The following PRR36 variants were observed in gnomAD, a reference collection of about 807,000 sequenced individuals.
The protein encoded by PRR36 is proline rich 36, also known as proline-rich protein 36.
Under a neutral mutation model 58.6 loss-of-function variants are expected in PRR36, and 30 were observed. The observed-to-expected ratio is 0.51, with a 90% CI of 0.38 to 0.69. The LOEUF (loss-of-function observed/expected upper bound fraction) is 0.69, where lower values mean the gene tolerates loss of function less well. Among genes scored for constraint, PRR36 ranks in the 30% least tolerant of loss-of-function variants. The probability of loss-of-function intolerance (pLI) is 0.00; values close to 1 mark genes in which losing one functional copy is unlikely to be tolerated. For synonymous variants in PRR36, 771 were observed against 829.3 expected (o/e 0.93, Z 1.21); for missense variants, 1,692 against 1,805.6 (o/e 0.94, Z 1.14).
chr19:7,870,883 G>T lies in PRR36; in HGVS notation c.2361C>A (p.Ala787=). ...AAGGTGGTGCTTGCAGAGGGCATGG[G>T]GCTGGACAAGGTGGAGTCTCCAGAT... ...TPHLETPPCP[A]PCPLQAPPSP... is the part of the protein sequence containing the mutation. The change falls in exon 5 of 6, where the codon GCC becomes GCA. Residue 787 remains alanine (A), a synonymous_variant. Coordinates refer to ENST00000618550, the MANE Select transcript of PRR36 (RefSeq NM_001190467.2). 1 of 1,449,752 alleles carries T rather than the reference G, an allele frequency of 6.9e-7. No individual in the cohort carries two copies. Among genetic ancestry groups the T allele is most frequent in the Non-Finnish European group, 9.0e-7 (1 of 1,108,100 alleles). 89.8% of individuals were successfully genotyped at this position (1,449,752 alleles called of 1,614,324 possible).
chr19:7,870,538 A>G lies in PRR36; in HGVS notation c.2706T>C (p.Pro902=), dbSNP rs1980362411. The change falls in exon 5 of 6, where the codon CCT becomes CCC. Residue 902 remains proline, a synonymous_variant. Coordinates refer to ENST00000618550, the MANE Select transcript of PRR36 (RefSeq NM_001190467.2). ...CCGAAGGAGACACTGGGGGTGAGGC[A>G]GGGGGAGAGAAAGGGGCCTGCACTG... The part of the protein sequence containing the change: ...SPPVQAPFSP[P]ASPPVSPSAT... The G allele has an allele frequency of 1.7e-5, 5 of 301,288 alleles. No homozygotes were observed. Among genetic ancestry groups the G allele is most frequent in the Middle Eastern group, 1.3e-3 (1 of 744 alleles). The allele number at this position is 301,288 out of a possible 1,614,324, so 18.7% of individuals were successfully genotyped here. A position where few individuals can be genotyped will look rare whatever the true frequency, so the allele number is the denominator to read the frequency against.
Position 7,872,200 on chromosome 19 carries a change from C to A in PRR36, c.1044G>T (p.Gln348His), listed in dbSNP as rs964690538. Residue 348 changes from glutamine (Q) to histidine (H), a missense_variant, in exon 5 of 6, where the codon CAG becomes CAT. This residue lies in a region of PRR36 where 975 missense variants were observed against 955.2 expected (regional missense o/e 1.02). Transcript: ENST00000618550. The surrounding 1 kb of genome is among the most constrained non-coding windows in gnomAD (Gnocchi z 6.1). ...GCGTGGCCGGCAGGGTGGGCGGGGC[C>A]TGACTTTGGAGAGCGGCTGGCGGAG... ...TPPPPAALQS[Q>H]APPTLPATPH... The A allele has an allele frequency of 6.8e-5, 99 of 1,449,742 alleles. No individual in the cohort carries two copies. The highest frequency in any genetic ancestry group is 1.8e-4 in the Middle Eastern group (1 of 5,532). The allele number at this position is 1,449,742 out of a possible 1,614,324, so 89.8% of individuals were successfully genotyped here. A position where few individuals can be genotyped will look rare whatever the true frequency, so the allele number is the denominator to read the frequency against.
chr19:7,870,106 CA>C lies in PRR36; in HGVS notation c.3137del (p.Leu1046TrpfsTer49). The C allele has an allele frequency of 6.8e-7, 1 of 1,467,286 alleles. No homozygotes were observed. Among genetic ancestry groups the C allele is most frequent in the East Asian group, 2.8e-5 (1 of 35,818 alleles). 90.9% of individuals were successfully genotyped at this position (1,467,286 alleles called of 1,614,324 possible). ...SPSASLPMSP[L>X]ATPPPQAPPV... ...GTGGGGCCTGTGGAGGAGGCGTGGC[CA>C]AAGGAGACATTGGGAGTGAGGCAGA... On this transcript the variant is annotated frameshift_variant, in exon 5 of 6. Coordinates refer to ENST00000618550, the MANE Select transcript of PRR36 (RefSeq NM_001190467.2). LOFTEE classifies it high-confidence loss of function.
rs1296757981 is a variant in PRR36 at position 7,870,345 on chromosome 19, G to T, written c.2899C>A (p.Pro967Thr). Residue 967 changes from proline to threonine, a missense_variant, in exon 5 of 6, where the codon CCC (proline) becomes ACC (threonine). Physicochemically the swap from Pro to Thr is conservative, Grantham distance 38 (BLOSUM62 -1). Transcript: ENST00000618550. ...LQVPPSPPAS[P>T]PMSPSATPPP... is the part of the protein sequence containing the mutation. Reference sequence around the variant, plus strand: ...GGCGTGGCCGAAGGAGACATTGGGGGAGAGGCAGGGGGAGAGGGTGGGACC... The same window carrying T: ...GGCGTGGCCGAAGGAGACATTGGGGTAGAGGCAGGGGGAGAGGGTGGGACC... 1.6e-5 allele frequency: 13 copies of T among 804,552 alleles called. No homozygotes were observed. In the Admixed American group the frequency reaches 6.4e-4, roughly 40 times the overall value. 49.8% of individuals were successfully genotyped at this position (804,552 alleles called of 1,614,324 possible).
In PRR36 at chr19:7,873,251, T is replaced by C; in HGVS notation, c.320A>G (p.Lys107Arg). Reference sequence around the variant, plus strand: ...AGAAACAGGGCCTGGGCTGGTGTTCTTGGCAGGAGGAGCTCTCTCCCCTCT... The same window carrying C: ...AGAAACAGGGCCTGGGCTGGTGTTCCTGGCAGGAGGAGCTCTCTCCCCTCT... The part of the protein sequence containing the change: ...SGRGERAPPA[K>R]NTSPGPVSSP... Residue 107 changes from lysine to arginine, a missense_variant, in exon 3 of 6, where the codon AAG (lysine) becomes AGG (arginine). Physicochemically the swap from Lys to Arg is conservative, Grantham distance 26. This residue lies in a region of PRR36 where 975 missense variants were observed against 955.2 expected (regional missense o/e 1.02). Coordinates refer to ENST00000618550, the MANE Select transcript of PRR36 (RefSeq NM_001190467.2). The surrounding 1 kb of genome is among the most constrained non-coding windows in gnomAD (Gnocchi z 5.0). 6.5e-7 allele frequency: 1 copy of C among 1,535,982 alleles called. No individual in the cohort carries two copies. Among genetic ancestry groups the C allele is most frequent in the Non-Finnish European group, 8.7e-7 (1 of 1,146,852 alleles).
At position 7,870,591 on chromosome 19, in the gene PRR36, C is replaced by G; in HGVS notation, c.2653G>C (p.Ala885Pro). 1 of 1,268,724 alleles carries G rather than the reference C, an allele frequency of 7.9e-7. No individual in the cohort carries two copies. Among genetic ancestry groups the G allele is most frequent in the Non-Finnish European group, 9.9e-7 (1 of 1,014,242 alleles). The allele number at this position is 1,268,724 out of a possible 1,614,324, so 78.6% of individuals were successfully genotyped here. ...GGTGAGGGAGGGGGAGAGAAAGGGG[C>G]CTGCAGAAGGTGCACTGCCAGAGCA... ...PNALAVHLLQ[A>P]PFSPPPSPPV... The change falls in exon 5 of 6, where the codon GCC becomes CCC. Residue 885 changes from alanine to proline, a missense_variant. Ala to Pro is a conservative substitution (Grantham distance 27). Transcript: ENST00000618550.
chr19:7,870,169 CGGAGAGGGAAGG>C lies in PRR36; in HGVS notation c.3063_3074del (p.Leu1022_Pro1025del). On this transcript the variant is annotated inframe_deletion, in exon 5 of 6. Coordinates refer to ENST00000618550, the MANE Select transcript of PRR36 (RefSeq NM_001190467.2). ...GGGCCTGCCCAGGGAATGAGGCAGG[CGGAGAGGGAAGG>C]GCCTGCAGAGGAGGTGTGGCCAGAG... is the stretch of plus-strand genomic sequence containing the variant. The C allele has an allele frequency of 7.6e-7, 1 of 1,319,442 alleles. No individual in the cohort carries two copies. Among genetic ancestry groups the C allele is most frequent in the Non-Finnish European group, 9.6e-7 (1 of 1,041,782 alleles). The allele number at this position is 1,319,442 out of a possible 1,614,324, so 81.7% of individuals were successfully genotyped here. A position where few individuals can be genotyped will look rare whatever the true frequency, so the allele number is the denominator to read the frequency against.
chr19:7,870,251 A>C lies in PRR36; in HGVS notation c.2993T>G (p.Leu998Arg). The change falls in exon 5 of 6, where the codon CTC becomes CGC. Residue 998 changes from leucine (L) to arginine (R), a missense_variant. Coordinates refer to ENST00000618550, the MANE Select transcript of PRR36 (RefSeq NM_001190467.2). ...GGGCTTAGCCAAAGGAGACATTGGG[A>C]GTGAGGCAGGGGGAGAGGGCGGGAC... ...LQVPPSPPAS[L>R]PMSPLAKPPP... 2 of 932,538 alleles carry C rather than the reference A, an allele frequency of 2.1e-6. No homozygotes were observed. Among genetic ancestry groups the C allele is most frequent in the Non-Finnish European group, 1.2e-6 (1 of 814,498 alleles). The allele number at this position is 932,538 out of a possible 1,614,324, so 57.8% of individuals were successfully genotyped here.
In PRR36 at chr19:7,869,210, G is replaced by T. The variant is rs898319320; in HGVS notation, c.3864C>A (p.Gly1288=). ...GGGPGGAEGG[G]VTGGARAALS... is the part of the protein sequence containing the mutation. ...GTGCAGCCCGGGCGCCCCCTGTGAC[G>T]CCACCACCCTCCGCACCTCCTGGGC... The change falls in exon 6 of 6, where the codon GGC becomes GGA. Residue 1288 remains glycine (G), a synonymous_variant. Coordinates refer to ENST00000618550, the MANE Select transcript of PRR36 (RefSeq NM_001190467.2). 2.0e-6 allele frequency: 3 copies of T among 1,528,614 alleles called. No homozygotes were observed. The highest frequency in any genetic ancestry group is 1.7e-6 in the Non-Finnish European group (2 of 1,144,332). The allele number at this position is 1,528,614 out of a possible 1,614,324, so 94.7% of individuals were successfully genotyped here.
Position 7,873,802 on chromosome 19 carries a change from G to C in PRR36, c.-7-106C>G, listed in dbSNP as rs548972877. ...CCCTTTCGCAGCATCGCCACCCATG[G>C]ACACTCAAACCTCGGCCTCGGCTTC... On this transcript the variant is annotated intron_variant, in intron 1 of 5. Coordinates refer to ENST00000618550, the MANE Select transcript of PRR36 (RefSeq NM_001190467.2). This position sits in a 1 kb window ranked among gnomAD's most constrained non-coding sequence, Gnocchi z 5.0. 27 of 1,171,186 alleles carry C rather than the reference G, an allele frequency of 2.3e-5. No homozygotes were observed. The East Asian group carries it at 7.0e-4, about 30-fold the overall frequency. The allele number at this position is 1,171,186 out of a possible 1,614,324, so 72.5% of individuals were successfully genotyped here. A position where few individuals can be genotyped will look rare whatever the true frequency, so the allele number is the denominator to read the frequency against.
rs1439973004 is a variant in PRR36, at chr19:7,870,823, A to C, written c.2421T>G (p.Ser807=). 6.9e-7 allele frequency: 1 copy of C among 1,441,892 alleles called. No homozygotes were observed. The highest frequency in any genetic ancestry group is 9.0e-7 in the Non-Finnish European group (1 of 1,105,172). 89.3% of individuals were successfully genotyped at this position (1,441,892 alleles called of 1,614,324 possible). A position where few individuals can be genotyped will look rare whatever the true frequency, so the allele number is the denominator to read the frequency against. Residue 807 remains serine (S), a synonymous_variant, in exon 5 of 6, where the codon TCT becomes TCG. Transcript: ENST00000618550. The part of the protein sequence containing the change: ...PLTTPPPETP[S]SIATPPPQAP... ...CCTGTGGAGGAGGCGTGGCTATGGA[A>C]GAGGGCGTCTCCGGAGGGGGCGTGG...
At position 7,874,104 on chromosome 19, in the gene PRR36, C is replaced by T. The variant is rs536875679; in HGVS notation, c.-8+182G>A. ...CCCGGAGCGCACGCCCGGGTCTCCC[C>T]GCCAGCCCCCATCGGCCTCCCCTGG... On this transcript the variant is annotated intron_variant, in intron 1 of 5. Transcript: ENST00000618550. The surrounding 1 kb of genome is among the most constrained non-coding windows in gnomAD (Gnocchi z 6.0). Among the ~76,000 whole-genome samples, 4 of 152,314 alleles carry T rather than the reference C, an allele frequency of 2.6e-5. No homozygotes were observed. In the East Asian group the frequency reaches 5.8e-4, roughly 22 times the overall value.
chr19:7,873,110 C>T lies in PRR36; in HGVS notation c.374+87G>A, dbSNP rs1980541075. 2 of 1,404,230 alleles carry T rather than the reference C, an allele frequency of 1.4e-6. No homozygotes were observed. Among genetic ancestry groups the T allele is most frequent in the South Asian group, 2.5e-5 (2 of 80,522 alleles). The allele number at this position is 1,404,230 out of a possible 1,614,324, so 87.0% of individuals were successfully genotyped here. A position where few individuals can be genotyped will look rare whatever the true frequency, so the allele number is the denominator to read the frequency against. On this transcript the variant is annotated intron_variant, in intron 3 of 5. Coordinates refer to ENST00000618550, the MANE Select transcript of PRR36 (RefSeq NM_001190467.2). This position sits in a 1 kb window ranked among gnomAD's most constrained non-coding sequence, Gnocchi z 5.0. ...GTGCCCAGTGACCTGCAAGTGCTCCCGCGCCCCAACTCGTGTAAAATAAAA... is the reference window on the plus strand; with the variant it reads ...GTGCCCAGTGACCTGCAAGTGCTCCTGCGCCCCAACTCGTGTAAAATAAAA...
chr19:7,872,161 G>T lies in PRR36; in HGVS notation c.1083C>A (p.Ser361Arg), dbSNP rs1395379037. Residue 361 changes from serine (S) to arginine (R), a missense_variant, in exon 5 of 6, where the codon AGC becomes AGA. By Grantham distance (110) the Ser-to-Arg change is moderately radical (BLOSUM62 -1). Coordinates refer to ENST00000618550, the MANE Select transcript of PRR36 (RefSeq NM_001190467.2). The surrounding 1 kb of genome is among the most constrained non-coding windows in gnomAD (Gnocchi z 6.1). ...PTLPATPHSS[S>R]LTCQLATPLP... Reference sequence around the variant, plus strand: ...GGGGCGTGGCCAACTGACAGGTAAGGCTCGACGAGTGGGGCGTGGCCGGCA... The same window carrying T: ...GGGGCGTGGCCAACTGACAGGTAAGTCTCGACGAGTGGGGCGTGGCCGGCA... The T allele has an allele frequency of 1.1e-5, 16 of 1,482,738 alleles. No homozygotes were observed. In the Middle Eastern group the frequency reaches 5.3e-4, roughly 49 times the overall value. 91.8% of individuals were successfully genotyped at this position (1,482,738 alleles called of 1,614,324 possible).
In PRR36 at chr19:7,873,716, C is replaced by CA. The variant is rs1228875913; in HGVS notation, c.-7-21_-7-20insT. 2.6e-6 allele frequency: 4 copies of CA among 1,530,298 alleles called. No individual in the cohort carries two copies. Among genetic ancestry groups the CA allele is most frequent in the Non-Finnish European group, 3.5e-6 (4 of 1,143,930 alleles). 94.8% of individuals were successfully genotyped at this position (1,530,298 alleles called of 1,614,324 possible). ...TTGCACCTGAAGAGACAAACCGGTC[C>CA]GCATCCCAGGTTCTGGACAGCTACG... On this transcript the variant is annotated intron_variant, in intron 1 of 5. Coordinates refer to ENST00000618550, the MANE Select transcript of PRR36 (RefSeq NM_001190467.2). The surrounding 1 kb of genome is among the most constrained non-coding windows in gnomAD (Gnocchi z 5.0).
chr19:7,873,423 G>GT lies in PRR36; in HGVS notation c.266dup (p.Asn89LysfsTer28). ...TGAGGAAGGAGGCTGGGGTACCAGG[G>GT]TTTCGGGAACTTGTCCCAGCACTCC... On this transcript the variant is annotated frameshift_variant, in exon 2 of 6. Coordinates refer to ENST00000618550, the MANE Select transcript of PRR36 (RefSeq NM_001190467.2). LOFTEE classifies it high-confidence loss of function. The surrounding 1 kb of genome is among the most constrained non-coding windows in gnomAD (Gnocchi z 5.0). The GT allele has an allele frequency of 6.5e-7, 1 of 1,530,496 alleles. No homozygotes were observed. The highest frequency in any genetic ancestry group is 8.7e-7 in the Non-Finnish European group (1 of 1,143,454). The allele number at this position is 1,530,496 out of a possible 1,614,324, so 94.8% of individuals were successfully genotyped here. A position where few individuals can be genotyped will look rare whatever the true frequency, so the allele number is the denominator to read the frequency against.
Position 7,873,329 on chromosome 19 carries a change from C to T in PRR36, c.272-30G>A, listed in dbSNP as rs752365483. On this transcript the variant is annotated intron_variant, in intron 2 of 5. Transcript: ENST00000618550. The surrounding 1 kb of genome is among the most constrained non-coding windows in gnomAD (Gnocchi z 5.0). The stretch of plus-strand genomic sequence containing the variant: ...GGGGAGAAGGCCGAGTCACAGGTGC[C>T]CCGGAGAGGTGGCAGTGGAGGTGAG... 2.6e-6 allele frequency: 4 copies of T among 1,524,580 alleles called. No individual in the cohort carries two copies. Among genetic ancestry groups the T allele is most frequent in the South Asian group, 2.4e-5 (2 of 82,626 alleles). 94.4% of individuals were successfully genotyped at this position (1,524,580 alleles called of 1,614,324 possible).
chr19:7,870,963 GT>G lies in PRR36; in HGVS notation c.2280del (p.Pro761LeufsTer3). On this transcript the variant is annotated frameshift_variant, in exon 5 of 6. Coordinates refer to ENST00000618550, the MANE Select transcript of PRR36 (RefSeq NM_001190467.2). LOFTEE classifies it high-confidence loss of function. ...APLTTPPLEN[L>X]PSLAPPPLQT... Reference sequence around the variant, plus strand: ...TGCAGAGGAGGCGGGGCTAGAGAAGGTAGGTTCTCCAGAGGGGGTGTGGTCA... The same window carrying G: ...TGCAGAGGAGGCGGGGCTAGAGAAGGAGGTTCTCCAGAGGGGGTGTGGTCA... 6 of 1,325,424 alleles carry G rather than the reference GT, an allele frequency of 4.5e-6. No individual in the cohort carries two copies. The highest frequency in any genetic ancestry group is 1.8e-5 in the South Asian group (1 of 54,688). 82.1% of individuals were successfully genotyped at this position (1,325,424 alleles called of 1,614,324 possible). A position where few individuals can be genotyped will look rare whatever the true frequency, so the allele number is the denominator to read the frequency against.
Position 7,873,675 on chromosome 19 carries a change from T to G in PRR36, c.15A>C (p.Arg5Ser). MDNK[R>S]DKAKAGAAAR... is the part of the protein sequence containing the mutation. ...CGGCGGCCCCTGCCTTCGCCTTGTC[T>G]CTCTTGTTGTCCATCTTGCACCTGA... Residue 5 changes from arginine to serine, a missense_variant, in exon 2 of 6, where the codon AGA becomes AGC. Around this residue, in one of 5 missense-constraint regions of PRR36, gnomAD observed 975 missense variants for 955.2 expected, o/e 1.02. Coordinates refer to ENST00000618550, the MANE Select transcript of PRR36 (RefSeq NM_001190467.2). The surrounding 1 kb of genome is among the most constrained non-coding windows in gnomAD (Gnocchi z 5.0). The G allele has an allele frequency of 2.0e-6, 3 of 1,535,046 alleles. No homozygotes were observed. In the South Asian group the frequency reaches 3.6e-5, roughly 18 times the overall value.
Sources: allele counts gnomAD v4.1 joint callset (sites outside exome capture counted in the v4.1 genomes callset), GRCh38; gene constraint gnomAD v4.1.1; regional missense constraint gnomAD v4.1.1; non-coding constraint Gnocchi (gnomAD v3.1); transcripts MANE v1.5; gene names NCBI Gene and HGNC (gene_info 2026-07-23, HGNC 2026-07-21).